Variants in SVIL observed in about 807,000 individuals in gnomAD.
SVIL encodes supervillin.
Under a neutral mutation model 240.4 loss-of-function variants are expected in SVIL, and 101 were observed. That is an observed-to-expected ratio of 0.42 (90% CI 0.36 to 0.50). SVIL has a LOEUF of 0.50. Among genes scored for constraint, SVIL ranks in the 20% least tolerant of loss-of-function variants. The pLI, the probability that SVIL is intolerant of heterozygous loss-of-function variation, is 0.01. For synonymous variants in SVIL, 999 were observed against 1,100.0 expected, an observed-to-expected ratio of 0.91 and a Z score of 1.82; for missense variants, 2,512 against 2,818.7, an observed-to-expected ratio of 0.89 and a Z score of 2.46.
At chr10:29,518,038 G>GT (rs1589081880) in intron 16 of SVIL, among the ~76,000 whole-genome samples, 1 of 152,278 alleles carries the variant, frequency 6.6e-6, no homozygotes, top group East Asian at 1.9e-4. Flanking sequence ...TGCATCCTAA[G>GT]TTTTTTGCTG....
intron 1 of SVIL, among the ~76,000 whole-genome samples, chr10:29,708,979 T>C (rs1044543964): frequency 2.6e-5 from 4 of 150,956 alleles, no homozygotes; most frequent in Admixed American, 6.7e-5. Context: ...GTTAGGGAAG[T>C]CTCCCAGAAC....
intron 1 of SVIL, among the ~76,000 whole-genome samples, chr10:29,571,422 A>G (rs1188837133): frequency 3.3e-5 from 5 of 152,184 alleles, no homozygotes; most frequent in Non-Finnish European, 5.9e-5. Context: ...CACACATACA[A>G]AGAAAAACCT....
At chr10:29,521,950 T>C (rs1275261074) in intron 16 of SVIL, among the ~76,000 whole-genome samples, 8 of 152,206 alleles carry the variant, frequency 5.3e-5, no homozygotes, top group African/African-American at 1.9e-4. Context: ...AGTCCAAAGA[T>C]ATATGCCCTC....
chr10:29,676,207 AT>A (rs1283876799), intron 2 of SVIL, among the ~76,000 whole-genome samples: 1 of 152,224 alleles, frequency 6.6e-6, no homozygotes, highest in African/African-American at 2.4e-5. Flanking sequence ...CAGCACCTGA[AT>A]AAAGCCTTCT....
chr10:29,474,075 G>A lies in SVIL; in HGVS notation c.5378-86C>T. ...TGTCTGGCTCACTTTCCCCGGGCCT[G>A]CAAGGACCAGTGGCAAAGAGCCTCG... On this transcript the variant is annotated intron_variant, in intron 29 of 37. Transcript: ENST00000355867. 2.6e-6 allele frequency: 4 copies of A among 1,522,714 alleles called. No individual in the cohort carries two copies. In the South Asian group the frequency reaches 4.9e-5, roughly 19 times the overall value. 94.3% of individuals were successfully genotyped at this position (1,522,714 alleles called of 1,614,324 possible).
intron 27 of SVIL, among the ~76,000 whole-genome samples, chr10:29,482,519 G>A (rs758863792): frequency 1.3e-5 from 2 of 152,202 alleles, no homozygotes; most frequent in Non-Finnish European, 1.5e-5. Context: ...ACTATTTTAT[G>A]TCATGTTACA....
chr10:29,649,405 C>T (rs1317078646), intron 3 of SVIL, among the ~76,000 whole-genome samples: 1 of 152,112 alleles, frequency 6.6e-6, no homozygotes, highest in Admixed American at 6.5e-5. Context: ...TAAAACACAA[C>T]CAAGCAATTA....
At chr10:29,469,013 C>G (rs1945256218) in intron 32 of SVIL, 1 of 152,124 alleles carries the variant, frequency 6.6e-6, no homozygotes, top group Non-Finnish European at 1.5e-5. Flanking sequence ...GCAGGTTGCC[C>G]AAAGTTCATG....
At chr10:29,656,519 G>A (rs1202946231) in intron 3 of SVIL, among the ~76,000 whole-genome samples, 2 of 151,742 alleles carry the variant, frequency 1.3e-5, no homozygotes, top group African/African-American at 4.8e-5. Context: ...CTTAACATTT[G>A]AAACTTATAT....
At chr10:29,704,825 CA>C (rs1405207169) in intron 1 of SVIL, among the ~76,000 whole-genome samples, 1 of 152,122 alleles carries the variant, frequency 6.6e-6, no homozygotes, top group Admixed American at 6.5e-5. Flanking sequence ...TCTCCCAAAC[CA>C]AAAGACATGC....
intron 1 of SVIL, among the ~76,000 whole-genome samples, chr10:29,717,767 T>G (rs1055101818): frequency 6.6e-6 from 1 of 152,210 alleles, no homozygotes; most frequent in East Asian, 1.9e-4. Flanking sequence ...GATTTTTTGA[T>G]GCTGAGTTCA....
At chr10:29,562,769 G>GAAAAAA (rs34507610) in intron 3 of SVIL, among the ~76,000 whole-genome samples, 2 of 115,718 alleles carry the variant, frequency 1.7e-5, no homozygotes, top group Non-Finnish European at 3.5e-5. Flanking sequence ...TCAAAAAAAA[G>GAAAAAA]AAAAAAAAAA....
chr10:29,568,151 C>T (rs1955140883), intron 2 of SVIL, among the ~76,000 whole-genome samples: 2 of 152,140 alleles, frequency 1.3e-5, no homozygotes, highest in Middle Eastern at 6.3e-3. Flanking sequence ...AAGACAACCT[C>T]ACTGATGACC....
At chr10:29,678,747 A>G (rs904304140) in intron 2 of SVIL, among the ~76,000 whole-genome samples, 3 of 152,224 alleles carry the variant, frequency 2.0e-5, no homozygotes, top group African/African-American at 2.4e-5. Flanking sequence ...AGCAGAGTAG[A>G]AGCTGGAAGA....
chr10:29,691,825 C>A (rs190659163), intron 1 of SVIL, among the ~76,000 whole-genome samples: 5 of 152,254 alleles, frequency 3.3e-5, no homozygotes, highest in Admixed American at 3.3e-4. Context: ...GGTAGACACT[C>A]GAATTATCTC....
At chr10:29,715,888 A>G (rs1589567456) in intron 1 of SVIL, among the ~76,000 whole-genome samples, 1 of 152,238 alleles carries the variant, frequency 6.6e-6, no homozygotes, top group East Asian at 1.9e-4. Context: ...ATGGGCACAC[A>G]TGGCTACTTA....
At chr10:29,585,137 C>T (rs564133468) in intron 1 of SVIL, among the ~76,000 whole-genome samples, 183 of 150,128 alleles carry the variant, frequency 1.2e-3, no homozygotes, top group Non-Finnish European at 2.3e-3. Flanking sequence ...GGCTGGAGTG[C>T]AATGGCATGA....
At chr10:29,679,907 G>C (rs1396823675) in intron 2 of SVIL, among the ~76,000 whole-genome samples, 1 of 151,900 alleles carries the variant, frequency 6.6e-6, no homozygotes, top group Non-Finnish European at 1.5e-5. Flanking sequence ...TCCAGGTCAG[G>C]CTCAGTGGCT....
chr10:29,594,264 TA>T (rs199543285), intron 1 of SVIL, among the ~76,000 whole-genome samples: 3 of 88,772 alleles, frequency 3.4e-5, no homozygotes, highest in African/African-American at 9.0e-5. Context: ...TATTCCAAAA[TA>T]AAAAAAAATT....
Sources: gnomAD v4.1 joint callset for allele counts (sites outside exome capture counted in the v4.1 genomes callset) on GRCh38, gnomAD v4.1.1 for gene constraint, MANE v1.5 for transcripts, NCBI Gene and HGNC (gene_info 2026-07-23, HGNC 2026-07-21) for gene names.